Variants in KBTBD2 observed in about 807,000 individuals in gnomAD.
The protein encoded by KBTBD2 is kelch repeat and BTB domain-containing protein 2.
Under a neutral mutation model 57.1 loss-of-function variants are expected in KBTBD2, and 17 were observed. The observed-to-expected ratio is 0.30, with a 90% CI of 0.20 to 0.45. The LOEUF is 0.45. Among genes scored for constraint, KBTBD2 ranks in the 20% least tolerant of loss-of-function variants. KBTBD2 has a pLI of 1.00. For synonymous variants in KBTBD2, 267 were observed against 262.7 expected (o/e 1.02, Z -0.16); for missense variants, 515 against 750.6 (o/e 0.69, Z 3.67).
chr7:32,874,255 C>A (rs1364977514), intron 3 of KBTBD2, among the ~76,000 whole-genome samples: 1 of 151,764 alleles, frequency 6.6e-6, no homozygotes, highest in Non-Finnish European at 1.5e-5. Flanking sequence ...AAAAAATTAG[C>A]CGGGGGTGGT....
intron 2 of KBTBD2, among the ~76,000 whole-genome samples, chr7:32,876,944 T>A (rs1784327345): frequency 6.6e-6 from 1 of 151,880 alleles, no homozygotes; most frequent in Admixed American, 6.6e-5. Context: ...GCAACAAAAG[T>A]GAAACTCCAC....
intron 1 of KBTBD2, among the ~76,000 whole-genome samples, chr7:32,882,567 T>C (rs901051163): frequency 6.6e-6 from 1 of 152,200 alleles, no homozygotes; most frequent in African/African-American, 2.4e-5. Flanking sequence ...TTCCCACTCT[T>C]CTTTTGTAAT....
chr7:32,870,503 T>A lies in KBTBD2; in HGVS notation c.714A>T (p.Pro238=). ...GAACCACCACTGACTTATCATTGGG[T>A]GGCAGACCTTGAAACCAAGCTCTCT... is the stretch of plus-strand genomic sequence containing the variant. ...VTQRAWFQGL[P]PNDKSVVVQG... The change falls in exon 4 of 4, where the codon CCA becomes CCT. Residue 238 remains proline, a synonymous_variant. Coordinates refer to ENST00000304056, the MANE Select transcript of KBTBD2 (RefSeq NM_015483.3). 1 of 1,614,090 alleles carries A rather than the reference T, an allele frequency of 6.2e-7. No individual in the cohort carries two copies. Among genetic ancestry groups the A allele is most frequent in the East Asian group, 2.2e-5 (1 of 44,874 alleles).
At position 32,869,912 on chromosome 7, in the gene KBTBD2, T is replaced by G; in HGVS notation, c.1305A>C (p.Thr435=). The G allele has an allele frequency of 6.2e-7, 1 of 1,613,948 alleles. No individual in the cohort carries two copies. Among genetic ancestry groups the G allele is most frequent in the Non-Finnish European group, 8.5e-7 (1 of 1,180,006 alleles). Residue 435 remains threonine, a synonymous_variant, in exon 4 of 4, where the codon ACA becomes ACC. Transcript: ENST00000304056. ...VVVHDCIYVM[T]LNLMYCYFPR... ...GAAAATAACAGTACATGAGGTTCAG[T>G]GTCATCACATAAATGCAGTCATGAA... is the stretch of plus-strand genomic sequence containing the variant.
intron 2 of KBTBD2, among the ~76,000 whole-genome samples, chr7:32,878,750 CAAAT>C (rs1454907920): frequency 6.6e-6 from 1 of 152,098 alleles, no homozygotes; most frequent in Non-Finnish European, 1.5e-5. Flanking sequence ...AAGCAAAGAA[CAAAT>C]AAAGCAATCC....
chr7:32,881,787 G>C (rs1168438851), intron 1 of KBTBD2, among the ~76,000 whole-genome samples: 1 of 152,190 alleles, frequency 6.6e-6, no homozygotes, highest in Non-Finnish European at 1.5e-5. Context: ...GTTGTTGAGG[G>C]TGTGGAAAAA....
At chr7:32,873,944 C>T (rs891322580) in intron 3 of KBTBD2, among the ~76,000 whole-genome samples, 3 of 152,094 alleles carry the variant, frequency 2.0e-5, no homozygotes, top group Admixed American at 6.6e-5. Context: ...TTCTAAAACA[C>T]GTAATAAGAA....
At chr7:32,882,135 A>G (rs1367429365) in intron 1 of KBTBD2, among the ~76,000 whole-genome samples, 1 of 152,150 alleles carries the variant, frequency 6.6e-6, no homozygotes, top group Non-Finnish European at 1.5e-5. Context: ...AGTATTAATA[A>G]TACTTGGCAC....
Position 32,874,985 on chromosome 7 carries a change from T to C in KBTBD2, c.336+7A>G, listed in dbSNP as rs766873524. ...GACTCCGTCTAAAAAAATATATATATGCTTACCTGTAGGAAGCAAGCTGTT... is the reference window on the plus strand; with the variant it reads ...GACTCCGTCTAAAAAAATATATATACGCTTACCTGTAGGAAGCAAGCTGTT... On this transcript the variant is annotated splice_region_variant and intron_variant, in intron 3 of 3. Transcript: ENST00000304056. 3.7e-6 allele frequency: 6 copies of C among 1,612,980 alleles called. No individual in the cohort carries two copies. The South Asian group carries it at 5.5e-5, about 15-fold the overall frequency.
intron 1 of KBTBD2, among the ~76,000 whole-genome samples, chr7:32,887,386 A>C (rs1784606487): frequency 6.6e-6 from 1 of 152,214 alleles, no homozygotes; most frequent in African/African-American, 2.4e-5. Context: ...AAAGATTCTA[A>C]ATGTTCTCAC....
At chr7:32,889,239 C>T (rs1784665238) in intron 1 of KBTBD2, among the ~76,000 whole-genome samples, 1 of 151,408 alleles carries the variant, frequency 6.6e-6, no homozygotes, top group African/African-American at 2.4e-5. Context: ...TGCAGTGAGC[C>T]AAGATCGCGC....
At position 32,875,075 on chromosome 7, in the gene KBTBD2, T is replaced by C. The variant is rs746984267; in HGVS notation, c.253A>G (p.Ile85Val). 14 of 1,614,068 alleles carry C rather than the reference T, an allele frequency of 8.7e-6. No individual in the cohort carries two copies. Among genetic ancestry groups the C allele is most frequent in the South Asian group, 7.7e-5 (7 of 91,090 alleles). Residue 85 changes from isoleucine (I) to valine (V), a missense_variant, in exon 3 of 4, where the codon ATA becomes GTA. Ile to Val is a conservative substitution (Grantham distance 29, BLOSUM62 3). Coordinates refer to ENST00000304056, the MANE Select transcript of KBTBD2 (RefSeq NM_015483.3). ...RNVDAATLQI[I>V]ITYAYTGNLA... is the part of the protein sequence containing the mutation. ...TTACCCGTGTATGCATAAGTTATTA[T>C]TATCTGTAAGGTGGCAGCATCGACA...
chr7:32,889,303 A>C (rs1170594639), intron 1 of KBTBD2, among the ~76,000 whole-genome samples: 1 of 151,170 alleles, frequency 6.6e-6, no homozygotes, highest in East Asian at 2.0e-4. Flanking sequence ...AAAAAAAAAA[A>C]AAAAATTACT....
rs572695887 is a variant in KBTBD2 at position 32,879,659 on chromosome 7, T to C, written c.-55A>G. Reference sequence around the variant, plus strand: ...AGATTAGAAAAGTCCGTCTTACTGATGGAAGGTCAAGTGAATACTTCAGAA... The same window carrying C: ...AGATTAGAAAAGTCCGTCTTACTGACGGAAGGTCAAGTGAATACTTCAGAA... On this transcript the variant is annotated 5_prime_UTR_variant, in exon 2 of 4. Transcript: ENST00000304056. 4.8e-6 allele frequency: 7 copies of C among 1,447,074 alleles called. No homozygotes were observed. The South Asian group carries it at 8.3e-5, about 17-fold the overall frequency. The allele number at this position is 1,447,074 out of a possible 1,614,324, so 89.6% of individuals were successfully genotyped here.
chr7:32,871,851 T>G (rs1047396163), intron 3 of KBTBD2, among the ~76,000 whole-genome samples: 12 of 152,036 alleles, frequency 7.9e-5, no homozygotes, highest in African/African-American at 2.9e-4. Context: ...GGCAACACAG[T>G]CTAAGAGGCA....
chr7:32,879,071 G>T lies in KBTBD2; in HGVS notation c.170+364C>A, dbSNP rs987341826. Reference sequence around the variant, plus strand: ...TTTTACCCTCTAAAAATTACTATTTGAGCCTATAACTTGTCAGTTTAAAAA... The same window carrying T: ...TTTTACCCTCTAAAAATTACTATTTTAGCCTATAACTTGTCAGTTTAAAAA... On this transcript the variant is annotated intron_variant, in intron 2 of 3. Coordinates refer to ENST00000304056, the MANE Select transcript of KBTBD2 (RefSeq NM_015483.3). Among the ~76,000 whole-genome samples, 12 of 152,202 alleles carry T rather than the reference G, an allele frequency of 7.9e-5. No homozygotes were observed. The East Asian group carries it at 2.3e-3, about 29-fold the overall frequency.
Position 32,884,506 on chromosome 7 carries a change from A to G in KBTBD2, c.-338-4564T>C, listed in dbSNP as rs541380072. On this transcript the variant is annotated intron_variant, in intron 1 of 3. Transcript: ENST00000304056. Reference sequence around the variant, plus strand: ...GGAGATTGAGACCATCCTGGCCAACATGGTGAAACCCCGTCTCTACTAAAA... The same window carrying G: ...GGAGATTGAGACCATCCTGGCCAACGTGGTGAAACCCCGTCTCTACTAAAA... Among the ~76,000 whole-genome samples, 217 of 152,202 alleles carry G rather than the reference A, an allele frequency of 1.4e-3. 1 individual carries two copies. Among genetic ancestry groups the G allele is most frequent in the African/African-American group, 4.9e-3 (205 of 41,532 alleles).
chr7:32,890,282 T>G (rs1784697660), intron 1 of KBTBD2, among the ~76,000 whole-genome samples: 1 of 152,092 alleles, frequency 6.6e-6, no homozygotes, highest in Non-Finnish European at 1.5e-5. Flanking sequence ...AGTGAAGAAG[T>G]AAGCTTAACA....
intron 3 of KBTBD2, among the ~76,000 whole-genome samples, chr7:32,872,137 C>T (rs1472432151): frequency 6.6e-6 from 1 of 152,088 alleles, no homozygotes; most frequent in Non-Finnish European, 1.5e-5. Context: ...CAATTTGAGA[C>T]TGCAGTGAGC....
Sources: gnomAD v4.1 joint callset for allele counts (sites outside exome capture counted in the v4.1 genomes callset) on GRCh38, gnomAD v4.1.1 for gene constraint, MANE v1.5 for transcripts, NCBI Gene and HGNC (gene_info 2026-07-23, HGNC 2026-07-21) for gene names.